PPP2R3A: variants seen among roughly 807,000 people sequenced by gnomAD.
PPP2R3A encodes serine/threonine-protein phosphatase 2A regulatory subunit B'' subunit alpha.
PPP2R3A carries 80 observed loss-of-function variants against 106.9 expected under a neutral mutation model. The ratio of observed to expected loss-of-function variants is 0.75; its 90% confidence interval spans 0.62 to 0.90. The LOEUF is 0.90. Among genes scored for constraint, PPP2R3A ranks in the 40% least tolerant of loss-of-function variants. PPP2R3A has a pLI of 0.00. For missense variants in PPP2R3A, 1,386 were observed against 1,350.4 expected (o/e 1.03, Z -0.41); for synonymous variants, 483 against 468.3 (o/e 1.03, Z -0.41).
chr3:136,046,014 T>C (rs1437767032), intron 4 of PPP2R3A, among the ~76,000 whole-genome samples: 3 of 151,416 alleles, frequency 2.0e-5, no homozygotes, highest in Non-Finnish European at 4.4e-5. Flanking sequence ...CAAGACTCTG[T>C]CTCTACAAAA....
chr3:136,063,070 G>C (rs1936134880), intron 5 of PPP2R3A, among the ~76,000 whole-genome samples: 1 of 152,150 alleles, frequency 6.6e-6, no homozygotes, highest in African/African-American at 2.4e-5. Context: ...TACCAAAACA[G>C]AGATATAGAC....
At chr3:135,978,944 C>T (rs1937495499) in intron 1 of PPP2R3A, among the ~76,000 whole-genome samples, 1 of 151,608 alleles carries the variant, frequency 6.6e-6, no homozygotes, top group Non-Finnish European at 1.5e-5. Context: ...AAGATTATGC[C>T]ACAGAAACTT....
intron 13 of PPP2R3A, among the ~76,000 whole-genome samples, chr3:136,127,427 A>C (rs1938223052): frequency 6.6e-6 from 1 of 152,222 alleles, no homozygotes; most frequent in Non-Finnish European, 1.5e-5. Flanking sequence ...TTGAAGATCA[A>C]ACTAATGAAA....
chr3:136,066,710 A>G (rs575464941), intron 5 of PPP2R3A, among the ~76,000 whole-genome samples: 3 of 152,210 alleles, frequency 2.0e-5, no homozygotes, highest in East Asian at 3.9e-4. Context: ...TTAAACAACC[A>G]GATCTCATGA....
At position 136,023,987 on chromosome 3, in the gene PPP2R3A, C is replaced by A. The variant is rs1934560274; in HGVS notation, c.1996-2845C>A. Among the ~76,000 whole-genome samples, 3 of 152,198 alleles carry A rather than the reference C, an allele frequency of 2.0e-5. No individual in the cohort carries two copies. In the South Asian group the frequency reaches 6.2e-4, roughly 32 times the overall value. On this transcript the variant is annotated intron_variant, in intron 2 of 13. Transcript: ENST00000264977. The stretch of plus-strand genomic sequence containing the variant: ...TATGGTTATTCTGACCCAGAATAAT[C>A]TCAAATTATTTGGGTAAATATGAAA...
At chr3:136,118,113 C>G (rs866332237) in intron 13 of PPP2R3A, among the ~76,000 whole-genome samples, 4 of 152,142 alleles carry the variant, frequency 2.6e-5, no homozygotes, top group African/African-American at 9.7e-5. Flanking sequence ...ATAAACAGAA[C>G]CAGTGACAAA....
At chr3:136,027,132 C>G in intron 3 of PPP2R3A, 34 bp downstream of exon 3, 2 of 1,566,800 alleles carry the variant, frequency 1.3e-6, no homozygotes, top group South Asian at 1.2e-5. Flanking sequence ...ACAATCTCCC[C>G]TTCTTTAGAA....
intron 5 of PPP2R3A, among the ~76,000 whole-genome samples, chr3:136,058,140 TA>T (rs1349376261): frequency 6.6e-6 from 1 of 152,120 alleles, no homozygotes; most frequent in Non-Finnish European, 1.5e-5. Context: ...ACAAGCATCA[TA>T]CTGAATGATC....
At chr3:135,968,415 G>A (rs1184015600) in intron 1 of PPP2R3A, among the ~76,000 whole-genome samples, 1 of 152,206 alleles carries the variant, frequency 6.6e-6, no homozygotes, top group East Asian at 1.9e-4. Context: ...GGATTAACAG[G>A]AGTTACTAGG....
At chr3:136,091,317 T>C (rs375284815) in intron 10 of PPP2R3A, among the ~76,000 whole-genome samples, 2 of 152,168 alleles carry the variant, frequency 1.3e-5, no homozygotes, top group African/African-American at 4.8e-5. Context: ...CGAAAAGTTA[T>C]CTAAATGTTG....
At position 136,001,040 on chromosome 3, in the gene PPP2R3A, A is replaced by ATT. The variant is rs58749785; in HGVS notation, c.-440-9_-440-8dup. 1.8e-3 allele frequency: 622 copies of ATT among 348,062 alleles called. No homozygotes were observed. Among genetic ancestry groups the ATT allele is most frequent in the Middle Eastern group, 7.6e-3 (10 of 1,318 alleles). 21.6% of individuals were successfully genotyped at this position (348,062 alleles called of 1,614,324 possible). On this transcript the variant is annotated intron_variant, in intron 1 of 13. Coordinates refer to ENST00000264977, the MANE Select transcript of PPP2R3A (RefSeq NM_002718.5). ...CCAGCATTAAAAAAATTTCCTTTTA[A>ATT]TTTTTTTTTTTATTACAGGTTTCTC...
rs529096562 is a variant in PPP2R3A, at chr3:136,145,415, C to G, written c.*249C>G. The G allele has an allele frequency of 2.8e-5, 9 of 321,876 alleles. No homozygotes were observed. The South Asian group carries it at 2.9e-4, about 10-fold the overall frequency. 19.9% of individuals were successfully genotyped at this position (321,876 alleles called of 1,614,324 possible). On this transcript the variant is annotated 3_prime_UTR_variant, in exon 14 of 14. Transcript: ENST00000264977. The stretch of plus-strand genomic sequence containing the variant: ...GTACCATCGCCTTCCAAAGTCAGCA[C>G]TCTACACTCTTGAATGTACCAAGGA...
chr3:136,049,008 T>C (rs1935575649), intron 4 of PPP2R3A, among the ~76,000 whole-genome samples: 3 of 152,150 alleles, frequency 2.0e-5, no homozygotes, highest in Admixed American at 2.0e-4. Context: ...TGTTTCCGTT[T>C]TACCATCAAG....
At chr3:136,044,942 C>T (rs1408360140) in intron 4 of PPP2R3A, among the ~76,000 whole-genome samples, 1 of 152,086 alleles carries the variant, frequency 6.6e-6, no homozygotes, top group Non-Finnish European at 1.5e-5. Flanking sequence ...AGACAGAGCT[C>T]GAGGCTACAC....
chr3:136,022,979 CT>C, intron 2 of PPP2R3A: 1 of 1,572,718 alleles, frequency 6.4e-7, no homozygotes, highest in Non-Finnish European at 8.6e-7. Context: ...GAAAAAATAC[CT>C]TCCTACCTGA....
intron 3 of PPP2R3A, among the ~76,000 whole-genome samples, chr3:136,035,273 A>G (rs984588939): frequency 2.6e-5 from 4 of 152,044 alleles, no homozygotes; most frequent in African/African-American, 9.7e-5. Flanking sequence ...TTTCCTGTAT[A>G]TCTTGGTTTT....
At chr3:136,117,182 A>G (rs1243958491) in intron 13 of PPP2R3A, among the ~76,000 whole-genome samples, 2 of 152,242 alleles carry the variant, frequency 1.3e-5, no homozygotes, top group African/African-American at 4.8e-5. Context: ...ATGTTCTTTG[A>G]AACCAATGAG....
At chr3:135,983,490 G>A (rs1182519487) in intron 1 of PPP2R3A, among the ~76,000 whole-genome samples, 1 of 152,156 alleles carries the variant, frequency 6.6e-6, no homozygotes, top group African/African-American at 2.4e-5. Context: ...TTGCAAATAA[G>A]TGGAAATTAC....
intron 1 of PPP2R3A, among the ~76,000 whole-genome samples, chr3:135,978,964 A>G (rs1437376612): frequency 1.3e-5 from 2 of 152,044 alleles, no homozygotes; most frequent in South Asian, 2.1e-4. Flanking sequence ...TTGTAATACA[A>G]TCTTTAATGA....
Sources: allele counts gnomAD v4.1 joint callset (sites outside exome capture counted in the v4.1 genomes callset), GRCh38; gene constraint gnomAD v4.1.1; transcripts MANE v1.5; gene names NCBI Gene and HGNC (gene_info 2026-07-23, HGNC 2026-07-21).